Variants in CD247 observed in about 807,000 individuals in gnomAD.
CD247 encodes the protein CD247 molecule.
Under a neutral mutation model 30.0 loss-of-function variants are expected in CD247, and 13 were observed. That is an observed-to-expected ratio of 0.43 (90% CI 0.28 to 0.69). CD247 has a LOEUF of 0.69. Ranked by LOEUF, CD247 falls within the 30% of genes least tolerant of loss-of-function variation. The pLI, the probability that CD247 is intolerant of heterozygous loss-of-function variation, is 0.16. For missense variants in CD247, 193 were observed against 212.6 expected, an observed-to-expected ratio of 0.91 and a Z score of 0.57; for synonymous variants, 72 against 80.0, an observed-to-expected ratio of 0.90 and a Z score of 0.53.
intron 1 of CD247, among the ~76,000 whole-genome samples, chr1:167,465,109 C>A (rs557850278): frequency 6.6e-6 from 1 of 152,076 alleles, no homozygotes; most frequent in South Asian, 2.1e-4. Flanking sequence ...TCTTTCCTTC[C>A]TTCCCCACCT....
chr1:167,509,352 G>A (rs891964671), intron 1 of CD247, among the ~76,000 whole-genome samples: 5 of 123,636 alleles, frequency 4.0e-5, no homozygotes, highest in African/African-American at 1.3e-4. Flanking sequence ...CAACAAGAGC[G>A]AAGCGAAACT....
At chr1:167,440,360 T>G (rs1164346399) in intron 2 of CD247, 2 of 448,730 alleles carry the variant, frequency 4.5e-6, no homozygotes. Flanking sequence ...TCTGCCTGAG[T>G]GTAAGCCCCT....
chr1:167,434,635 C>A (rs909291159), intron 5 of CD247: 7 of 384,884 alleles, frequency 1.8e-5, no homozygotes, highest in Admixed American at 1.2e-4. Context: ...CTTCAGCACC[C>A]AGGACAGGAG....
intron 2 of CD247, 44 bp downstream of exon 2, chr1:167,440,620 G>C: frequency 7.5e-7 from 1 of 1,328,228 alleles, no homozygotes; most frequent in Non-Finnish European, 1.1e-6. Flanking sequence ...CATCCATCAA[G>C]TGGGGGACCC....
chr1:167,486,823 C>T (rs931223997), intron 1 of CD247, among the ~76,000 whole-genome samples: 6 of 152,218 alleles, frequency 3.9e-5, no homozygotes, highest in Non-Finnish European at 8.8e-5. Flanking sequence ...TATGTAATCC[C>T]AGCACTTTGG....
In CD247 at chr1:167,498,356, C is replaced by T. The variant is rs543727402; in HGVS notation, c.58+20052G>A. Among the ~76,000 whole-genome samples, 278 of 152,312 alleles carry T rather than the reference C, an allele frequency of 1.8e-3. 1 individual carries two copies. Among genetic ancestry groups the T allele is most frequent in the African/African-American group, 6.3e-3 (263 of 41,562 alleles). ...CCCTCAGGAGTCAGAAGAGCAGGGA[C>T]ACTGGGTGAGGCCAGGTGAAGAGGG... is the stretch of plus-strand genomic sequence containing the variant. On this transcript the variant is annotated intron_variant, in intron 1 of 7. Coordinates refer to ENST00000362089, the MANE Select transcript of CD247 (RefSeq NM_198053.3).
At chr1:167,475,708 C>T (rs573103046) in intron 1 of CD247, among the ~76,000 whole-genome samples, 13 of 152,238 alleles carry the variant, frequency 8.5e-5, no homozygotes, top group South Asian at 8.3e-4. Context: ...CAGAGGAACA[C>T]GTTAAATGAC....
chr1:167,460,867 G>T (rs1198294987), intron 1 of CD247, among the ~76,000 whole-genome samples: 1 of 152,184 alleles, frequency 6.6e-6, no homozygotes, highest in Non-Finnish European at 1.5e-5. Flanking sequence ...ACACCAGGGG[G>T]ACAGGGCACA....
At chr1:167,503,745 G>A (rs2102103197) in intron 1 of CD247, among the ~76,000 whole-genome samples, 1 of 152,248 alleles carries the variant, frequency 6.6e-6, no homozygotes, top group South Asian at 2.1e-4. Context: ...GTGGCAACAG[G>A]GTCTGCCTGG....
chr1:167,462,481 G>A (rs752555502), intron 1 of CD247, among the ~76,000 whole-genome samples: 5 of 152,254 alleles, frequency 3.3e-5, no homozygotes, highest in African/African-American at 4.8e-5. Flanking sequence ...GGACCTAGGC[G>A]TCTCTGCATG....
At chr1:167,473,833 T>C (rs1226503329) in intron 1 of CD247, among the ~76,000 whole-genome samples, 1 of 152,224 alleles carries the variant, frequency 6.6e-6, no homozygotes, top group Non-Finnish European at 1.5e-5. Context: ...GGGGTTTTAC[T>C]GGTCACCAGC....
chr1:167,467,767 C>T (rs1472389763), intron 1 of CD247, among the ~76,000 whole-genome samples: 1 of 152,198 alleles, frequency 6.6e-6, no homozygotes, highest in Non-Finnish European at 1.5e-5. Flanking sequence ...ACAGTTTGCT[C>T]GTATCCCAGT....
intron 1 of CD247, among the ~76,000 whole-genome samples, chr1:167,449,950 GT>G (rs1455529030): frequency 3.3e-5 from 5 of 151,790 alleles, no homozygotes; most frequent in Non-Finnish European, 4.4e-5. Flanking sequence ...CTGAAGAATT[GT>G]TTTTTTCATT....
chr1:167,493,145 C>T (rs1242459505), intron 1 of CD247, among the ~76,000 whole-genome samples: 1 of 143,368 alleles, frequency 7.0e-6, no homozygotes. Context: ...TGGGTTCAAG[C>T]TATTCTCCTG....
At chr1:167,481,577 T>C (rs899330659) in intron 1 of CD247, among the ~76,000 whole-genome samples, 15 of 152,098 alleles carry the variant, frequency 9.9e-5, no homozygotes, top group African/African-American at 3.4e-4. Context: ...CTCTGATCAT[T>C]TTGTGTGAAA....
intron 1 of CD247, among the ~76,000 whole-genome samples, chr1:167,493,969 C>A (rs2102083996): frequency 6.6e-6 from 1 of 152,300 alleles, no homozygotes; most frequent in Non-Finnish European, 1.5e-5. Flanking sequence ...CTCACCATTG[C>A]AGAATCTGTT....
At chr1:167,503,122 CTG>C (rs1274914530) in intron 1 of CD247, among the ~76,000 whole-genome samples, 3 of 152,202 alleles carry the variant, frequency 2.0e-5, no homozygotes, top group African/African-American at 7.2e-5. Flanking sequence ...TCCCAGGAAA[CTG>C]TGGAACAGCT....
intron 1 of CD247, among the ~76,000 whole-genome samples, chr1:167,479,326 C>T (rs182423445): frequency 1.8e-4 from 27 of 152,208 alleles, no homozygotes; most frequent in East Asian, 3.9e-4. Context: ...ACTTTGAAAA[C>T]GGGGAGGAGT....
At chr1:167,464,656 C>T (rs981398359) in intron 1 of CD247, among the ~76,000 whole-genome samples, 1 of 152,122 alleles carries the variant, frequency 6.6e-6, no homozygotes, top group African/African-American at 2.4e-5. Flanking sequence ...AAGTAGAAAG[C>T]TGGGGAAACA....
Sources: gnomAD v4.1 joint callset for allele counts (sites outside exome capture counted in the v4.1 genomes callset) on GRCh38, gnomAD v4.1.1 for gene constraint, MANE v1.5 for transcripts, NCBI Gene and HGNC (gene_info 2026-07-23, HGNC 2026-07-21) for gene names.